Variants in SPON1 observed in about 807,000 individuals in gnomAD.
SPON1 encodes spondin 1, also known as spondin-1.
In SPON1, 52 loss-of-function variants were observed where a neutral mutation model predicts 111.7. The observed-to-expected ratio is 0.47, with a 90% confidence interval of 0.37 to 0.59. The LOEUF (loss-of-function observed/expected upper bound fraction) is 0.59. SPON1 is among the 20% of genes least tolerant of loss of function. The pLI, the probability that SPON1 is intolerant of heterozygous loss-of-function variation, is 0.00. For missense variants in SPON1, 957 were observed against 1,068.5 expected, an observed-to-expected ratio of 0.90 and a Z score of 1.46; for synonymous variants, 410 against 395.8, an observed-to-expected ratio of 1.04 and a Z score of -0.43.
intron 2 of SPON1, among the ~76,000 whole-genome samples, chr11:14,041,007 T>G (rs1187120421): frequency 6.6e-6 from 1 of 152,160 alleles, no homozygotes; most frequent in African/African-American, 2.4e-5. Context: ...GAATACTGAT[T>G]AGTAAATACA....
chr11:14,079,809 G>A (rs1344562383), intron 4 of SPON1, 90 bp from the exon 5 acceptor site: 30 of 1,399,458 alleles, frequency 2.1e-5, no homozygotes, highest in Middle Eastern at 1.9e-4. Flanking sequence ...CTTTTCCTAA[G>A]GGTTAAGGAT....
At chr11:14,039,108 C>G (rs1237450559) in intron 2 of SPON1, among the ~76,000 whole-genome samples, 1 of 152,136 alleles carries the variant, frequency 6.6e-6, no homozygotes, top group African/African-American at 2.4e-5. Flanking sequence ...AAGCTACATA[C>G]TGTATGATTC....
chr11:14,056,278 G>A (rs1386415355), intron 3 of SPON1, among the ~76,000 whole-genome samples: 1 of 152,060 alleles, frequency 6.6e-6, no homozygotes, highest in African/African-American at 2.4e-5. Flanking sequence ...TCTAAACAAG[G>A]CTATATTATT....
At chr11:14,174,958 CT>C (rs1176220487) in intron 6 of SPON1, among the ~76,000 whole-genome samples, 3 of 137,570 alleles carry the variant, frequency 2.2e-5, no homozygotes, top group Admixed American at 8.6e-5. Context: ...TAAGCAGTTT[CT>C]TTTTTTATAG....
At chr11:14,002,992 C>A (rs1554912622) in intron 2 of SPON1, among the ~76,000 whole-genome samples, 2 of 152,158 alleles carry the variant, frequency 1.3e-5, no homozygotes, top group Non-Finnish European at 2.9e-5. Context: ...TTACCCACTT[C>A]TCTGCTGTTG....
intron 5 of SPON1, among the ~76,000 whole-genome samples, chr11:14,081,584 C>T (rs1160525852): frequency 1.3e-5 from 2 of 151,976 alleles, no homozygotes; most frequent in Non-Finnish European, 2.9e-5. Context: ...CCCATTCTCT[C>T]TGTGGGTGGC....
chr11:14,097,471 T>C (rs2133841758), intron 5 of SPON1, among the ~76,000 whole-genome samples: 1 of 152,368 alleles, frequency 6.6e-6, no homozygotes, highest in African/African-American at 2.4e-5. Context: ...ATGAATGAGA[T>C]TTCCAGTTTT....
intron 3 of SPON1, among the ~76,000 whole-genome samples, chr11:14,073,724 T>G (rs1457951400): frequency 2.0e-5 from 3 of 152,218 alleles, no homozygotes; most frequent in Non-Finnish European, 4.4e-5. Context: ...CAGGTTTGGT[T>G]ATTTGATACT....
intron 7 of SPON1, among the ~76,000 whole-genome samples, chr11:14,243,972 T>C (rs1441791557): frequency 6.6e-6 from 1 of 152,128 alleles, no homozygotes; most frequent in Non-Finnish European, 1.5e-5. Context: ...CTTAAACTCA[T>C]CATGTCCAAA....
At chr11:14,215,030 C>T (rs1398621728) in intron 6 of SPON1, among the ~76,000 whole-genome samples, 1 of 152,104 alleles carries the variant, frequency 6.6e-6, no homozygotes, top group Non-Finnish European at 1.5e-5. Flanking sequence ...CATCTTTCTA[C>T]TCTGCCTTTT....
intron 6 of SPON1, among the ~76,000 whole-genome samples, chr11:14,223,665 C>T (rs1290278133): frequency 2.6e-5 from 4 of 152,120 alleles, no homozygotes; most frequent in African/African-American, 9.7e-5. Flanking sequence ...CTCACCACTC[C>T]GAATCCTGTC....
chr11:14,259,797 A>G lies in SPON1; in HGVS notation c.1831+96A>G. On this transcript the variant is annotated intron_variant, in intron 13 of 15. Transcript: ENST00000576479. The surrounding 1 kb of genome is among the most constrained non-coding windows in gnomAD (Gnocchi z 5.0). ...TTACCACCATAAAGGTCGGAGGCTG[A>G]GCAGAGGAAAGCATGGCCCATGGTC... 1.5e-6 allele frequency: 2 copies of G among 1,341,236 alleles called. No homozygotes were observed. Among genetic ancestry groups the G allele is most frequent in the Middle Eastern group, 2.4e-4 (1 of 4,230 alleles). 83.1% of individuals were successfully genotyped at this position (1,341,236 alleles called of 1,614,324 possible). A position where few individuals can be genotyped will look rare whatever the true frequency, so the allele number is the denominator to read the frequency against.
At chr11:14,152,147 T>G (rs10832201) in intron 6 of SPON1, among the ~76,000 whole-genome samples, 60,392 of 151,838 alleles carry the variant, frequency 0.4, 12,161 homozygotes, top group East Asian at 0.55. Context: ...TCCCTAGTCA[T>G]GCTTTTCATA....
intron 6 of SPON1, among the ~76,000 whole-genome samples, chr11:14,154,230 C>T (rs1847816661): frequency 6.6e-6 from 1 of 152,220 alleles, no homozygotes; most frequent in African/African-American, 2.4e-5. Context: ...GGCTCCAACC[C>T]CACATTTCCC....
chr11:13,974,773 C>G (rs977503862), intron 1 of SPON1, among the ~76,000 whole-genome samples: 2 of 152,196 alleles, frequency 1.3e-5, no homozygotes, highest in African/African-American at 4.8e-5. Flanking sequence ...CCCTTCAGTA[C>G]TGCCTCATCC....
intron 2 of SPON1, among the ~76,000 whole-genome samples, chr11:14,039,418 C>T (rs1848617077): frequency 6.6e-6 from 1 of 151,796 alleles, no homozygotes; most frequent in African/African-American, 2.4e-5. Context: ...GTGAGGGAGA[C>T]TGTGTGTGTG....
intron 5 of SPON1, among the ~76,000 whole-genome samples, chr11:14,085,908 C>T (rs1849002427): frequency 6.6e-6 from 1 of 152,128 alleles, no homozygotes; most frequent in Admixed American, 6.6e-5. Flanking sequence ...CTCTTTGTAG[C>T]AATTGTGAAC....
intron 6 of SPON1, among the ~76,000 whole-genome samples, chr11:14,237,289 C>T (rs1029640154): frequency 2.0e-5 from 3 of 152,188 alleles, no homozygotes; most frequent in African/African-American, 2.4e-5. Context: ...GGGGTCTCCA[C>T]GCAAGATTCC....
At chr11:14,119,738 G>A (rs1849291172) in intron 5 of SPON1, among the ~76,000 whole-genome samples, 1 of 152,112 alleles carries the variant, frequency 6.6e-6, no homozygotes, top group Non-Finnish European at 1.5e-5. Flanking sequence ...AATTGTGAGA[G>A]TCCCCCGTCG....
Sources: gnomAD v4.1 joint callset for allele counts (sites outside exome capture counted in the v4.1 genomes callset) on GRCh38, gnomAD v4.1.1 for gene constraint, Gnocchi (gnomAD v3.1) non-coding constraint, MANE v1.5 for transcripts, NCBI Gene and HGNC (gene_info 2026-07-23, HGNC 2026-07-21) for gene names.